The following KCNIP4 variants were observed in gnomAD, a reference collection of about 807,000 sequenced individuals.
The protein encoded by KCNIP4 is potassium voltage-gated channel interacting protein 4.
KCNIP4 carries 12 observed loss-of-function variants against 34.0 expected under a neutral mutation model. The ratio of observed to expected loss-of-function variants is 0.35; its 90% CI spans 0.23 to 0.57. KCNIP4 has a LOEUF of 0.57. KCNIP4 is among the 20% of genes least tolerant of loss of function. KCNIP4 has a pLI of 0.83. For missense variants in KCNIP4, 238 were observed against 311.7 expected (o/e 0.76, Z 1.78); for synonymous variants, 124 against 102.2 (o/e 1.21, Z -1.29).
intron 2 of KCNIP4, among the ~76,000 whole-genome samples, chr4:20,862,445 A>G (rs986977715): frequency 6.6e-6 from 1 of 152,304 alleles, no homozygotes; most frequent in South Asian, 2.1e-4. Context: ...GAACTTACAC[A>G]TAAAGACAGA....
At chr4:21,452,397 T>C (rs1728584283) in intron 1 of KCNIP4, among the ~76,000 whole-genome samples, 1 of 143,998 alleles carries the variant, frequency 6.9e-6, no homozygotes, top group African/African-American at 2.6e-5. Flanking sequence ...GAGTCTTTCC[T>C]ACTGCCATTG....
intron 1 of KCNIP4, among the ~76,000 whole-genome samples, chr4:21,183,472 T>TTTG (rs1212705678): frequency 7.4e-5 from 11 of 148,308 alleles, no homozygotes; most frequent in South Asian, 2.2e-4. Context: ...TGTTTTTGTT[T>TTTG]TTTTTTTTTT....
chr4:21,281,463 A>G (rs1221419988), intron 1 of KCNIP4, among the ~76,000 whole-genome samples: 1 of 152,164 alleles, frequency 6.6e-6, no homozygotes, highest in Non-Finnish European at 1.5e-5. Flanking sequence ...ACATGGACTG[A>G]AATAAAATCT....
At chr4:21,219,860 T>G (rs1757860982) in intron 1 of KCNIP4, among the ~76,000 whole-genome samples, 1 of 152,004 alleles carries the variant, frequency 6.6e-6, no homozygotes, top group South Asian at 2.1e-4. Flanking sequence ...GGCAGTGGAG[T>G]GGAAATTTTC....
chr4:21,334,589 G>T (rs773525420), intron 1 of KCNIP4, among the ~76,000 whole-genome samples: 2 of 151,940 alleles, frequency 1.3e-5, no homozygotes, highest in Non-Finnish European at 2.9e-5. Flanking sequence ...AATTTACAGG[G>T]TTATATAACC....
At chr4:21,059,106 G>A (rs1486421657) in intron 1 of KCNIP4, among the ~76,000 whole-genome samples, 1 of 152,124 alleles carries the variant, frequency 6.6e-6, no homozygotes, top group Non-Finnish European at 1.5e-5. Flanking sequence ...CCCCAGCCAT[G>A]TGGAACTGAG....
chr4:21,225,567 G>A (rs535698603), intron 1 of KCNIP4, among the ~76,000 whole-genome samples: 10 of 151,940 alleles, frequency 6.6e-5, no homozygotes, highest in Admixed American at 2.6e-4. Flanking sequence ...TTCTATAATC[G>A]CTGGATTTTT....
intron 1 of KCNIP4, among the ~76,000 whole-genome samples, chr4:21,279,096 A>T (rs1201399026): frequency 6.6e-6 from 1 of 152,214 alleles, no homozygotes; most frequent in Non-Finnish European, 1.5e-5. Flanking sequence ...GTAAGAACAG[A>T]TGTATTATGA....
At chr4:21,191,358 G>A (rs6844302) in intron 1 of KCNIP4, among the ~76,000 whole-genome samples, 47,827 of 152,098 alleles carry the variant, frequency 0.31, 7,683 homozygotes, top group South Asian at 0.44. Context: ...TGCCACATAC[G>A]AAGGCTGGAA....
chr4:21,183,150 T>A (rs1487795649), intron 1 of KCNIP4, among the ~76,000 whole-genome samples: 1 of 152,170 alleles, frequency 6.6e-6, no homozygotes, highest in Non-Finnish European at 1.5e-5. Context: ...CATAATGTCC[T>A]AAAGGTACCT....
chr4:21,569,686 T>C (rs1327547189), intron 1 of KCNIP4, among the ~76,000 whole-genome samples: 1 of 152,122 alleles, frequency 6.6e-6, no homozygotes, highest in Admixed American at 6.6e-5. Context: ...TATTTAATAC[T>C]GACCATTGGT....
At chr4:20,791,282 C>A (rs908475168) in intron 3 of KCNIP4, among the ~76,000 whole-genome samples, 1 of 151,902 alleles carries the variant, frequency 6.6e-6, no homozygotes, top group African/African-American at 2.4e-5. Context: ...TAACTTACTA[C>A]AAGAAATGTT....
At chr4:21,800,363 A>C (rs564893282) in intron 1 of KCNIP4, among the ~76,000 whole-genome samples, 25 of 152,298 alleles carry the variant, frequency 1.6e-4, no homozygotes, top group African/African-American at 6.0e-4. Flanking sequence ...CTTTCTTATT[A>C]GATTTGGTTT....
chr4:20,757,577 T>C lies in KCNIP4; in HGVS notation c.358+1244A>G, dbSNP rs182719341. 8.5e-5 allele frequency among the ~76,000 whole-genome samples: 13 copies of C among 152,290 alleles called. No homozygotes were observed. In the South Asian group the frequency reaches 1.5e-3, roughly 17 times the overall value. ...CCTGGCAATTTCCTGCAAATGCCCA[T>C]CTTCAGTTCTATGCTCTGACCCTTT... is the stretch of plus-strand genomic sequence containing the variant. On this transcript the variant is annotated intron_variant, in intron 4 of 8. Transcript: ENST00000382152.
intron 1 of KCNIP4, among the ~76,000 whole-genome samples, chr4:21,753,638 T>C (rs1717302580): frequency 6.6e-6 from 1 of 152,166 alleles, no homozygotes; most frequent in Non-Finnish European, 1.5e-5. Context: ...AAATGTCCTG[T>C]TGTGCATTTC....
intron 1 of KCNIP4, among the ~76,000 whole-genome samples, chr4:21,932,702 G>T (rs1729639186): frequency 6.6e-6 from 1 of 152,036 alleles, no homozygotes; most frequent in African/African-American, 2.4e-5. Context: ...CAAGGATGAG[G>T]TGAACCAGAC....
chr4:21,754,162 T>C (rs577911572), intron 1 of KCNIP4, among the ~76,000 whole-genome samples: 1 of 152,332 alleles, frequency 6.6e-6, no homozygotes, highest in Admixed American at 6.5e-5. Context: ...TGTCGTTTTT[T>C]TCTTAATTCG....
intron 1 of KCNIP4, among the ~76,000 whole-genome samples, chr4:21,227,946 AT>A (rs959117763): frequency 2.6e-5 from 4 of 152,000 alleles, no homozygotes; most frequent in South Asian, 2.1e-4. Flanking sequence ...TTTGTTCCTT[AT>A]TTTTTTTCTG....
intron 1 of KCNIP4, among the ~76,000 whole-genome samples, chr4:21,513,154 C>T (rs1734475085): frequency 6.6e-6 from 1 of 152,156 alleles, no homozygotes; most frequent in African/African-American, 2.4e-5. Context: ...ACAGGACAGC[C>T]CTGCTGTGGA....
Sources: gnomAD v4.1 joint callset for allele counts (sites outside exome capture counted in the v4.1 genomes callset) on GRCh38, gnomAD v4.1.1 for gene constraint, MANE v1.5 for transcripts, NCBI Gene and HGNC (gene_info 2026-07-23, HGNC 2026-07-21) for gene names.